SLC2A2: variants seen among roughly 807,000 people sequenced by gnomAD.
SLC2A2 encodes solute carrier family 2, facilitated glucose transporter member 2.
Under a neutral mutation model 54.5 loss-of-function variants are expected in SLC2A2, and 36 were observed. The observed-to-expected ratio is 0.66, with a 90% confidence interval of 0.51 to 0.87. The LOEUF is 0.87. Ranked by LOEUF, SLC2A2 falls within the 40% of genes least tolerant of loss-of-function variation. The pLI is 0.00. For missense variants in SLC2A2, 543 were observed against 624.3 expected (o/e 0.87, Z 1.39); for synonymous variants, 223 against 219.1 (o/e 1.02, Z -0.16).
At position 170,999,146 on chromosome 3, in the gene SLC2A2, T is replaced by C; in HGVS notation, c.1089A>G (p.Ala363=). The change falls in exon 9 of 11, where the codon GCA becomes GCG. Residue 363 remains alanine (A), a synonymous_variant. Transcript: ENST00000314251. Reference sequence around the variant, plus strand: ...CAATTAGAAAGAGAGAACGTCGCCCTGCCTTCTCCACAAGGAATACCTAGG... The same window carrying C: ...CAATTAGAAAGAGAGAACGTCGCCCCGCCTTCTCCACAAGGAATACCTAGG... The part of the protein sequence containing the change: ...TAVSVFLVEK[A]GRRSLFLIGM... The C allele has an allele frequency of 1.2e-6, 2 of 1,611,498 alleles. No homozygotes were observed. Among genetic ancestry groups the C allele is most frequent in the Non-Finnish European group, 8.5e-7 (1 of 1,177,860 alleles).
chr3:171,011,710 G>GT (rs1715890431), intron 3 of SLC2A2, among the ~76,000 whole-genome samples: 1 of 152,158 alleles, frequency 6.6e-6, no homozygotes, highest in Non-Finnish European at 1.5e-5. Context: ...GGGGTGTTTA[G>GT]TAGTTTAGAC....
intron 8 of SLC2A2, among the ~76,000 whole-genome samples, chr3:171,000,028 A>G (rs1295746680): frequency 6.6e-6 from 1 of 151,920 alleles, no homozygotes; most frequent in Non-Finnish European, 1.5e-5. Context: ...ATAATTTCTC[A>G]CTTTGGCACC....
In SLC2A2 at chr3:170,999,108, A is replaced by G. The variant is rs1715227218; in HGVS notation, c.1127T>C (p.Met376Thr). ...RSLFLIGMSG[M>T]FVCAIFMSVG... ...TGACATGAAGATGGCACAAACAAACATCCCACTCATTCCAATTAGAAAGAG... is the reference window on the plus strand; with the variant it reads ...TGACATGAAGATGGCACAAACAAACGTCCCACTCATTCCAATTAGAAAGAG... The change falls in exon 9 of 11, where the codon ATG (methionine) becomes ACG (threonine). Residue 376 changes from methionine to threonine, a missense_variant. Around this residue, in one of 3 missense-constraint regions of SLC2A2, gnomAD observed 117 missense variants for 179.2 expected, o/e 0.65. Coordinates refer to ENST00000314251, the MANE Select transcript of SLC2A2 (RefSeq NM_000340.2). 6.2e-7 allele frequency: 1 copy of G among 1,612,908 alleles called. No homozygotes were observed. Among genetic ancestry groups the G allele is most frequent in the Admixed American group, 1.7e-5 (1 of 59,932 alleles).
chr3:171,019,124 CGTATGTATATATATATATATAT>C (rs1716325765), intron 1 of SLC2A2, among the ~76,000 whole-genome samples: 1 of 5,612 alleles, frequency 1.8e-4, no homozygotes, highest in African/African-American at 7.5e-4. Context: ...TATATATATA[CGTATGTATATATATATATATAT>C]ATATATATAC....
intron 1 of SLC2A2, among the ~76,000 whole-genome samples, chr3:171,024,293 T>C (rs1237009569): frequency 1.3e-5 from 2 of 152,224 alleles, no homozygotes; most frequent in African/African-American, 4.8e-5. Flanking sequence ...GTGTCAACTT[T>C]TCATACTTTA....
intron 1 of SLC2A2, among the ~76,000 whole-genome samples, chr3:171,025,785 G>GAAT (rs201550459): frequency 0.011 from 1,622 of 152,300 alleles, 24 homozygotes; most frequent in African/African-American, 0.028. Flanking sequence ...TGTGTGTACA[G>GAAT]GGGTGGGTGA....
chr3:171,006,118 G>A lies in SLC2A2; in HGVS notation c.613-13C>T, dbSNP rs781607130. On this transcript the variant is annotated splice_polypyrimidine_tract_variant and intron_variant, in intron 5 of 10. Transcript: ENST00000314251. ...CAAGACCAATAATCTGAAAATGCAA[G>A]GAGGAAGTATATCAACTACATAATA... The A allele has an allele frequency of 6.2e-7, 1 of 1,609,204 alleles. No homozygotes were observed. The highest frequency in any genetic ancestry group is 1.1e-5 in the South Asian group (1 of 90,944).
At chr3:171,023,683 C>A (rs1191480023) in intron 1 of SLC2A2, among the ~76,000 whole-genome samples, 6 of 152,168 alleles carry the variant, frequency 3.9e-5, no homozygotes, top group African/African-American at 7.2e-5. Flanking sequence ...AGATGGTTTG[C>A]CTGTTTTCTC....
chr3:171,013,493 T>C (rs935623279), intron 3 of SLC2A2, among the ~76,000 whole-genome samples: 3 of 152,032 alleles, frequency 2.0e-5, no homozygotes, highest in Non-Finnish European at 2.9e-5. Flanking sequence ...AGAAAACTTA[T>C]AGTCATATTA....
intron 6 of SLC2A2, 38 bp downstream of exon 6, chr3:171,005,905 A>G (rs1273566452): frequency 1.3e-6 from 2 of 1,596,574 alleles, no homozygotes; most frequent in African/African-American, 2.7e-5. Context: ...GATAATGCCA[A>G]AACAATAGGA....
chr3:171,006,509 C>T (rs940738006), intron 5 of SLC2A2, among the ~76,000 whole-genome samples: 1 of 151,994 alleles, frequency 6.6e-6, no homozygotes, highest in Non-Finnish European at 1.5e-5. Context: ...TGACTTTGGA[C>T]CTTTGCTTGA....
intron 3 of SLC2A2, 103 bp downstream of exon 3, chr3:171,014,366 T>G: frequency 1.5e-6 from 2 of 1,326,170 alleles, no homozygotes; most frequent in South Asian, 2.4e-5. Context: ...AAAACAACTC[T>G]AAAGCTATTC....
At chr3:171,002,528 T>A in intron 8 of SLC2A2, 48 bp downstream of exon 8, 2 of 1,266,386 alleles carry the variant, frequency 1.6e-6, no homozygotes, top group Non-Finnish European at 2.3e-6. Flanking sequence ...CTCCTGCAAT[T>A]TCTGGACTAA....
In SLC2A2 at chr3:171,026,647, C is replaced by T. The variant is rs562144854; in HGVS notation, c.15+9G>A. The T allele has an allele frequency of 6.2e-7, 1 of 1,612,162 alleles. No homozygotes were observed. The highest frequency in any genetic ancestry group is 2.2e-5 in the East Asian group (1 of 44,872). ...AACCAGACTTGAAATGAATATAATG[C>T]TGCTTTACCTTATCTTCTGTCATTG... On this transcript the variant is annotated intron_variant, in intron 1 of 10. Transcript: ENST00000314251.
At position 170,998,313 on chromosome 3, in the gene SLC2A2, G is replaced by T. The variant is rs1309197020; in HGVS notation, c.1254C>A (p.Ile418=). The T allele has an allele frequency of 6.2e-7, 1 of 1,613,738 alleles. No homozygotes were observed. Among genetic ancestry groups the T allele is most frequent in the Non-Finnish European group, 8.5e-7 (1 of 1,179,752 alleles). The stretch of plus-strand genomic sequence containing the variant: ...AAAACTCAGCCACCATGAACCAGGG[G>T]ATCGGGCCTGGCCCAATTTCAAAGA... ...VSFFEIGPGP[I]PWFMVAEFFS... Residue 418 remains isoleucine (I), a synonymous_variant, in exon 10 of 11, where the codon ATC becomes ATA. Coordinates refer to ENST00000314251, the MANE Select transcript of SLC2A2 (RefSeq NM_000340.2).
intron 1 of SLC2A2, 30 bp downstream of exon 1, chr3:171,026,626 A>G: frequency 6.2e-7 from 1 of 1,605,292 alleles, no homozygotes. Context: ...CCTGAAAACC[A>G]GACTTGAAAT....
At chr3:171,001,375 G>A (rs1715327253) in intron 8 of SLC2A2, among the ~76,000 whole-genome samples, 1 of 151,846 alleles carries the variant, frequency 6.6e-6, no homozygotes, top group African/African-American at 2.4e-5. Context: ...GTGGCCTTTT[G>A]GTTTAAACAG....
chr3:171,019,129 G>GTATATA (rs200539659), intron 1 of SLC2A2, among the ~76,000 whole-genome samples: 442 of 24,992 alleles, frequency 0.018, 4 homozygotes, highest in African/African-American at 0.037. Flanking sequence ...ATATACGTAT[G>GTATATA]TATATATATA....
chr3:170,999,717 G>T (rs1022121962), intron 8 of SLC2A2, among the ~76,000 whole-genome samples: 1 of 152,058 alleles, frequency 6.6e-6, no homozygotes, highest in South Asian at 2.1e-4. Context: ...CTAGCAACAT[G>T]TGGAATTTGA....
Sources: allele counts gnomAD v4.1 joint callset (sites outside exome capture counted in the v4.1 genomes callset), GRCh38; gene constraint gnomAD v4.1.1; regional missense constraint gnomAD v4.1.1; transcripts MANE v1.5; gene names NCBI Gene and HGNC (gene_info 2026-07-23, HGNC 2026-07-21).